The following LRRFIP1 variants were observed in gnomAD, a reference collection of about 807,000 sequenced individuals.
LRRFIP1 encodes the protein leucine-rich repeat flightless-interacting protein 1.
LRRFIP1 carries 62 observed loss-of-function variants against 104.4 expected under a neutral mutation model. The ratio of observed to expected loss-of-function variants is 0.59; its 90% CI spans 0.48 to 0.73. The LOEUF (loss-of-function observed/expected upper bound fraction) is 0.73, where lower values mean the gene tolerates loss of function less well. Among genes scored for constraint, LRRFIP1 ranks in the 30% least tolerant of loss-of-function variants. The probability of loss-of-function intolerance (pLI) is 0.00; values close to 1 mark genes in which losing one functional copy is unlikely to be tolerated. For missense variants in LRRFIP1, 796 were observed against 824.5 expected (o/e 0.97, Z 0.42); for synonymous variants, 300 against 299.0 (o/e 1.00, Z -0.03).
At chr2:237,685,111 C>G (rs1184584035) in intron 1 of LRRFIP1, among the ~76,000 whole-genome samples, 2 of 146,580 alleles carry the variant, frequency 1.4e-5, no homozygotes, top group Non-Finnish European at 3.0e-5. Flanking sequence ...CCTACCCTCC[C>G]CCCCCCACAC....
intron 23 of LRRFIP1, among the ~76,000 whole-genome samples, chr2:237,774,783 G>A (rs1175081662): frequency 6.6e-6 from 1 of 152,232 alleles, no homozygotes; most frequent in Non-Finnish European, 1.5e-5. Flanking sequence ...TTTGTGTCAT[G>A]CAGAATGAGC....
chr2:237,773,099 C>T (rs1231329498), intron 22 of LRRFIP1, among the ~76,000 whole-genome samples, 154 bp downstream of exon 22: 6 of 152,126 alleles, frequency 3.9e-5, no homozygotes, highest in Admixed American at 1.3e-4. Context: ...TCTTTCCATC[C>T]GTTTCTTACA....
chr2:237,751,261 AAG>A lies in LRRFIP1; in HGVS notation c.861_862del (p.Glu287AspfsTer9). On this transcript the variant is annotated frameshift_variant, in exon 14 of 24. Coordinates refer to ENST00000308482, the MANE Select transcript of LRRFIP1 (RefSeq NM_001137550.2). LOFTEE classifies it high-confidence loss of function. ...GAAGGCAAATACATGCAGGGATTGAAAGAGATGAAGGTACCAATTCACAGACG... is the reference window on the plus strand; with the variant it reads ...GAAGGCAAATACATGCAGGGATTGAAAGATGAAGGTACCAATTCACAGACG... 1 of 1,608,488 alleles carries A rather than the reference AAG, an allele frequency of 6.2e-7. No homozygotes were observed.
At position 237,735,256 on chromosome 2, in the gene LRRFIP1, T is replaced by C. The variant is rs1272200264; in HGVS notation, c.490-12T>C. 6.2e-7 allele frequency: 1 copy of C among 1,611,952 alleles called. No homozygotes were observed. The highest frequency in any genetic ancestry group is 1.7e-4 in the Middle Eastern group (1 of 6,054). ...GAAGAGCGCCCATCCTGACAGTCTCTTTTGGTCGCAGGCGTCTGTGTTGGA... is the reference window on the plus strand; with the variant it reads ...GAAGAGCGCCCATCCTGACAGTCTCCTTTGGTCGCAGGCGTCTGTGTTGGA... On this transcript the variant is annotated splice_polypyrimidine_tract_variant and intron_variant, in intron 9 of 23. Transcript: ENST00000308482. This position sits in a 1 kb window ranked among gnomAD's most constrained non-coding sequence, Gnocchi z 4.6.
intron 11 of LRRFIP1, among the ~76,000 whole-genome samples, chr2:237,745,552 T>C (rs954812182): frequency 9.9e-5 from 15 of 152,138 alleles, no homozygotes; most frequent in Non-Finnish European, 2.9e-5. Context: ...ATGTAGACGG[T>C]TACAAGCAAA....
chr2:237,694,882 T>C (rs2093063128), intron 1 of LRRFIP1, among the ~76,000 whole-genome samples: 1 of 152,168 alleles, frequency 6.6e-6, no homozygotes, highest in South Asian at 2.1e-4. Context: ...ACATACTGAT[T>C]AGCATTCAGC....
chr2:237,632,531 C>T (rs1246813705), intron 1 of LRRFIP1, among the ~76,000 whole-genome samples: 1 of 152,198 alleles, frequency 6.6e-6, no homozygotes, highest in Admixed American at 6.5e-5. Context: ...TCAGGTAGTT[C>T]GTAAATATCG....
At chr2:237,687,603 C>CAAAAAAAA (rs58549867) in intron 1 of LRRFIP1, among the ~76,000 whole-genome samples, 1 of 81,112 alleles carries the variant, frequency 1.2e-5, no homozygotes, top group African/African-American at 4.7e-5. Context: ...GACTCCATCT[C>CAAAAAAAA]AAAAAAAAAA....
intron 1 of LRRFIP1, 129 bp downstream of exon 1, chr2:237,627,869 T>A (rs2081797349): frequency 1.7e-6 from 1 of 571,578 alleles, no homozygotes; most frequent in Non-Finnish European, 2.4e-6. Flanking sequence ...TCCAGGCGGG[T>A]GGGCCGGGCA....
chr2:237,660,046 T>C (rs1354458633), intron 1 of LRRFIP1, among the ~76,000 whole-genome samples: 1 of 152,136 alleles, frequency 6.6e-6, no homozygotes, highest in Non-Finnish European at 1.5e-5. Flanking sequence ...AAAATATTTA[T>C]AAAGGCAAAA....
intron 1 of LRRFIP1, among the ~76,000 whole-genome samples, chr2:237,666,375 A>G (rs1395384342): frequency 1.3e-5 from 2 of 152,260 alleles, no homozygotes; most frequent in Non-Finnish European, 2.9e-5. Flanking sequence ...TGAGCCTGTG[A>G]TTTTGAACAA....
chr2:237,688,790 AC>A (rs1403961644), intron 1 of LRRFIP1, among the ~76,000 whole-genome samples: 2 of 151,020 alleles, frequency 1.3e-5, no homozygotes, highest in South Asian at 2.1e-4. Flanking sequence ...GAAACCCCCC[AC>A]CCCCCTGCTC....
chr2:237,727,641 A>G (rs572804358), intron 7 of LRRFIP1, among the ~76,000 whole-genome samples: 29 of 152,308 alleles, frequency 1.9e-4, no homozygotes, highest in African/African-American at 6.7e-4. Context: ...GGCATGTGAC[A>G]TGAAGCCTAC....
Position 237,717,068 on chromosome 2 carries a change from C to CCCAAGACACTTCTTCCAGTGTGGT in LRRFIP1, c.202-688_202-665dup, listed in dbSNP as rs2094362807. Among the ~76,000 whole-genome samples, 1 of 151,888 alleles carries CCCAAGACACTTCTTCCAGTGTGGT rather than the reference C, an allele frequency of 6.6e-6. No homozygotes were observed. The highest frequency in any genetic ancestry group is 2.4e-5 in the African/African-American group (1 of 41,284). On this transcript the variant is annotated intron_variant, in intron 3 of 23. Coordinates refer to ENST00000308482, the MANE Select transcript of LRRFIP1 (RefSeq NM_001137550.2). This position sits in a 1 kb window ranked among gnomAD's most constrained non-coding sequence, Gnocchi z 4.2. ...TATCGTTAGTGTAGTTTATGTGTGG[C>CCCAAGACACTTCTTCCAGTGTGGT]CCAAGACACTTCTTCCAGTGTGGTC...
chr2:237,691,907 G>GGGGGC lies in LRRFIP1; in HGVS notation c.97-16626_97-16622dup, dbSNP rs1205806019. 6.6e-6 allele frequency among the ~76,000 whole-genome samples: 1 copy of GGGGGC among 151,504 alleles called. No individual in the cohort carries two copies. The highest frequency in any genetic ancestry group is 1.5e-5 in the Non-Finnish European group (1 of 67,738). Reference sequence around the variant, plus strand: ...GAAGATCCTTCCGAGACGGAGCGCGGGGGGCGGGGCGGGGCTCGCGTTAAG... The same window carrying GGGGGC: ...GAAGATCCTTCCGAGACGGAGCGCGGGGGGCGGGGCGGGGCGGGGCTCGCGTTAAG... On this transcript the variant is annotated intron_variant, in intron 1 of 23. Transcript: ENST00000308482. The surrounding 1 kb of genome is among the most constrained non-coding windows in gnomAD (Gnocchi z 5.4).
intron 1 of LRRFIP1, among the ~76,000 whole-genome samples, chr2:237,648,250 A>G (rs1436435108): frequency 2.0e-5 from 3 of 151,914 alleles, no homozygotes; most frequent in Non-Finnish European, 2.9e-5. Context: ...CCGTGTTCTA[A>G]GGACGCAGGA....
At chr2:237,755,823 A>C (rs1048180204) in intron 15 of LRRFIP1, among the ~76,000 whole-genome samples, 1 of 152,204 alleles carries the variant, frequency 6.6e-6, no homozygotes, top group South Asian at 2.1e-4. Flanking sequence ...ATTCCCAGCT[A>C]CTTGGGAGGC....
chr2:237,763,293 G>A, intron 19 of LRRFIP1: 2 of 1,614,042 alleles, frequency 1.2e-6, no homozygotes, highest in Non-Finnish European at 1.7e-6. Context: ...GGAACTGAGG[G>A]CAACTGTCAG....
chr2:237,641,489 T>C (rs181642986), intron 1 of LRRFIP1, among the ~76,000 whole-genome samples: 1,611 of 137,336 alleles, frequency 0.012, 32 homozygotes, highest in African/African-American at 0.041. Context: ...AGAGTAAGAC[T>C]CTGTCTCAAA....
Sources: gnomAD v4.1 joint callset for allele counts (sites outside exome capture counted in the v4.1 genomes callset) on GRCh38, gnomAD v4.1.1 for gene constraint, Gnocchi (gnomAD v3.1) non-coding constraint, MANE v1.5 for transcripts, NCBI Gene and HGNC (gene_info 2026-07-23, HGNC 2026-07-21) for gene names.